The following METTL16 variants were observed in gnomAD, a reference collection of about 807,000 sequenced individuals.
METTL16 encodes the protein RNA N(6)-adenosine-methyltransferase METTL16.
Under a neutral mutation model 57.9 loss-of-function variants are expected in METTL16, and 19 were observed. That is an observed-to-expected ratio of 0.33 (90% CI 0.23 to 0.48). METTL16 has a LOEUF of 0.48. METTL16 is among the 20% of genes least tolerant of loss of function. The probability of loss-of-function intolerance (pLI) is 0.99; values close to 1 mark genes in which losing one functional copy is unlikely to be tolerated. For synonymous variants in METTL16, 246 were observed against 255.6 expected (o/e 0.96, Z 0.36); for missense variants, 434 against 691.5 (o/e 0.63, Z 4.18).
At chr17:2,482,890 G>A (rs916784928) in intron 2 of METTL16, among the ~76,000 whole-genome samples, 22 of 152,044 alleles carry the variant, frequency 1.4e-4, no homozygotes, top group African/African-American at 5.3e-4. Context: ...CAGCCTGGGT[G>A]ACAGAGTGGG....
intron 4 of METTL16, among the ~76,000 whole-genome samples, chr17:2,468,277 T>C (rs2067215449): frequency 6.6e-6 from 1 of 152,226 alleles, no homozygotes; most frequent in Non-Finnish European, 1.5e-5. Context: ...TCTTCGACAG[T>C]ACTCCCTTCA....
Position 2,420,696 on chromosome 17 carries a change from T to C in METTL16, c.1062+35A>G, listed in dbSNP as rs1567878471. 1 of 1,581,466 alleles carries C rather than the reference T, an allele frequency of 6.3e-7. No homozygotes were observed. Among genetic ancestry groups the C allele is most frequent in the East Asian group, 2.2e-5 (1 of 44,612 alleles). On this transcript the variant is annotated intron_variant, in intron 9 of 9. Transcript: ENST00000263092. The surrounding 1 kb of genome is among the most constrained non-coding windows in gnomAD (Gnocchi z 5.4). Reference sequence around the variant, plus strand: ...GAAAAAAGAAAAAAGAGAAGGATCATTATGAGTACTTCGTCAATATGGTTA... The same window carrying C: ...GAAAAAAGAAAAAAGAGAAGGATCACTATGAGTACTTCGTCAATATGGTTA...
intron 6 of METTL16, among the ~76,000 whole-genome samples, chr17:2,446,605 T>C (rs1257467066): frequency 6.6e-6 from 1 of 151,652 alleles, no homozygotes. Context: ...TCCCTCTCCC[T>C]CTCCCTCTCC....
chr17:2,438,329 G>A, intron 7 of METTL16, 131 bp from the exon 8 acceptor site: 1 of 652,216 alleles, frequency 1.5e-6, no homozygotes, highest in South Asian at 1.7e-5. Flanking sequence ...CCAAACAACA[G>A]TTATAGATAG....
chr17:2,448,802 T>TTTA (rs1555617301), intron 6 of METTL16, among the ~76,000 whole-genome samples: 8 of 43,640 alleles, frequency 1.8e-4, no homozygotes, highest in Non-Finnish European at 2.8e-4. Flanking sequence ...AAATAAAATT[T>TTTA]AAAAAAAAAA....
chr17:2,465,391 C>CA (rs929528572), intron 5 of METTL16, among the ~76,000 whole-genome samples: 3 of 151,052 alleles, frequency 2.0e-5, no homozygotes, highest in African/African-American at 7.3e-5. Context: ...AAAAAAAATA[C>CA]AAAAAATTAG....
At position 2,418,154 on chromosome 17, in the gene METTL16, C is replaced by CTG. The variant is rs1239291659; in HGVS notation, c.*1814_*1815dup. 6.6e-6 allele frequency: 1 copy of CTG among 151,162 alleles called. No individual in the cohort carries two copies. The highest frequency in any genetic ancestry group is 2.4e-5 in the African/African-American group (1 of 41,060). 9.4% of individuals were successfully genotyped at this position (151,162 alleles called of 1,614,324 possible). Reference sequence around the variant, plus strand: ...CTTAGTGGGTTATTGACCCCTTTGTCTGTGTCTGAGGGTTCTGGGAACCCT... The same window carrying CTG: ...CTTAGTGGGTTATTGACCCCTTTGTCTGTGTGTCTGAGGGTTCTGGGAACCCT... On this transcript the variant is annotated 3_prime_UTR_variant, in exon 10 of 10. Transcript: ENST00000263092.
intron 1 of METTL16, among the ~76,000 whole-genome samples, chr17:2,504,415 G>A (rs572405155): frequency 3.9e-5 from 6 of 152,286 alleles, no homozygotes; most frequent in Admixed American, 1.3e-4. Flanking sequence ...TGCAGACAAC[G>A]TAAGAGTGAG....
intron 8 of METTL16, among the ~76,000 whole-genome samples, chr17:2,433,383 A>G (rs965904399): frequency 1.3e-5 from 2 of 152,204 alleles, no homozygotes; most frequent in African/African-American, 4.8e-5. Context: ...ACTTCCTCCC[A>G]CTTGTGGTAG....
At chr17:2,437,272 A>T (rs1450184878) in intron 8 of METTL16, among the ~76,000 whole-genome samples, 1 of 152,176 alleles carries the variant, frequency 6.6e-6, no homozygotes, top group Non-Finnish European at 1.5e-5. Context: ...AGCTTCAAAA[A>T]TGGTTAAGAT....
At chr17:2,506,022 C>A (rs1215718214) in intron 1 of METTL16, among the ~76,000 whole-genome samples, 1 of 151,822 alleles carries the variant, frequency 6.6e-6, no homozygotes, top group Admixed American at 6.6e-5. Context: ...GGCTGGAGTG[C>A]AGTGGCGCAA....
chr17:2,453,377 T>TA (rs1432337514), intron 6 of METTL16, among the ~76,000 whole-genome samples: 4 of 152,202 alleles, frequency 2.6e-5, no homozygotes, highest in Non-Finnish European at 5.9e-5. Flanking sequence ...CTCAGTCTTC[T>TA]TTTACTCTCA....
At chr17:2,440,994 A>AAAAAAAAAAAAAAAAAAG (rs1555616313) in intron 7 of METTL16, among the ~76,000 whole-genome samples, 9 of 118,890 alleles carry the variant, frequency 7.6e-5, no homozygotes, top group African/African-American at 1.4e-4. Context: ...AAAAAAAAAA[A>AAAAAAAAAAAAAAAAAAG]AAGAAGAAGA....
intron 1 of METTL16, among the ~76,000 whole-genome samples, chr17:2,510,811 G>A (rs2067581884): frequency 6.6e-6 from 1 of 152,032 alleles, no homozygotes; most frequent in African/African-American, 2.4e-5. Flanking sequence ...TACAGGTACA[G>A]AGCACTGCAC....
intron 6 of METTL16, among the ~76,000 whole-genome samples, chr17:2,463,881 C>G (rs1422073651): frequency 6.6e-6 from 1 of 151,742 alleles, no homozygotes; most frequent in East Asian, 2.0e-4. Flanking sequence ...AATTCCAGCA[C>G]TTTGGGAGGT....
intron 8 of METTL16, chr17:2,424,346 CTCGTG>C (rs888099924): frequency 6.6e-6 from 1 of 151,462 alleles, no homozygotes; most frequent in Non-Finnish European, 1.5e-5. Flanking sequence ...ATCTCCTGAC[CTCGTG>C]ATCCGCCCGC....
At chr17:2,483,173 C>G (rs1364371506) in intron 2 of METTL16, among the ~76,000 whole-genome samples, 1 of 151,950 alleles carries the variant, frequency 6.6e-6, no homozygotes, top group East Asian at 1.9e-4. Flanking sequence ...ACGGCTAAAA[C>G]AAAATGATCC....
chr17:2,511,453 T>G (rs1436069940), intron 1 of METTL16, among the ~76,000 whole-genome samples: 3 of 152,132 alleles, frequency 2.0e-5, no homozygotes, highest in African/African-American at 7.2e-5. Flanking sequence ...CCACTGCCGT[T>G]CTTTCCATGC....
chr17:2,497,693 T>C (rs992052594), intron 2 of METTL16, among the ~76,000 whole-genome samples: 3 of 151,598 alleles, frequency 2.0e-5, no homozygotes, highest in Non-Finnish European at 4.4e-5. Flanking sequence ...CCTTTAGATA[T>C]GTTGTAAAAA....
Sources: allele counts gnomAD v4.1 joint callset (sites outside exome capture counted in the v4.1 genomes callset), GRCh38; gene constraint gnomAD v4.1.1; non-coding constraint Gnocchi (gnomAD v3.1); transcripts MANE v1.5; gene names NCBI Gene and HGNC (gene_info 2026-07-23, HGNC 2026-07-21).